Variants in SUSD4 observed in about 807,000 individuals in gnomAD.
The protein encoded by SUSD4 is sushi domain-containing protein 4.
SUSD4 carries 41 observed loss-of-function variants against 50.5 expected under a neutral mutation model. The observed-to-expected ratio is 0.81, with a 90% CI of 0.63 to 1.05. SUSD4 has a LOEUF of 1.05. Among genes scored for constraint, SUSD4 ranks in the 50% least tolerant of loss-of-function variants. SUSD4 has a pLI of 0.00. For missense variants in SUSD4, 580 were observed against 634.7 expected (o/e 0.91, Z 0.93); for synonymous variants, 257 against 257.3 (o/e 1.00, Z 0.01).
At chr1:223,311,791 T>C (rs1195304314) in intron 2 of SUSD4, among the ~76,000 whole-genome samples, 2 of 152,208 alleles carry the variant, frequency 1.3e-5, no homozygotes, top group Non-Finnish European at 2.9e-5. Context: ...ACTATCATTA[T>C]AGGGCAGAAA....
intron 2 of SUSD4, among the ~76,000 whole-genome samples, chr1:223,350,343 G>C (rs955029693): frequency 1.3e-5 from 2 of 152,186 alleles, no homozygotes; most frequent in Admixed American, 1.3e-4. Context: ...TTGAACAAAT[G>C]TAAGAGTGGA....
At chr1:223,298,328 C>T (rs901654855) in intron 2 of SUSD4, among the ~76,000 whole-genome samples, 1 of 152,100 alleles carries the variant, frequency 6.6e-6, no homozygotes, top group African/African-American at 2.4e-5. Context: ...TGTGAAATGC[C>T]CTCCTATAGC....
chr1:223,237,342 C>A (rs1008283888), intron 5 of SUSD4, among the ~76,000 whole-genome samples: 1 of 151,904 alleles, frequency 6.6e-6, no homozygotes, highest in Non-Finnish European at 1.5e-5. Flanking sequence ...TCTTTTATTT[C>A]CTTTTCTTGC....
Position 223,353,080 on chromosome 1 carries a change from T to G in SUSD4, c.148+10198A>C, listed in dbSNP as rs566299729. Among the ~76,000 whole-genome samples the G allele has an allele frequency of 4.6e-5, 7 of 152,334 alleles. No individual in the cohort carries two copies. In the South Asian group the frequency reaches 1.2e-3, roughly 27 times the overall value. ...CTGACCGGGCTTGGGCCAACAGCTATTGAGAAGTTCCTCTCAACACCACAA... is the reference window on the plus strand; with the variant it reads ...CTGACCGGGCTTGGGCCAACAGCTAGTGAGAAGTTCCTCTCAACACCACAA... On this transcript the variant is annotated intron_variant, in intron 2 of 8. Coordinates refer to ENST00000366878, the MANE Select transcript of SUSD4 (RefSeq NM_017982.4).
chr1:223,335,873 A>G (rs1558261191), intron 2 of SUSD4, among the ~76,000 whole-genome samples: 1 of 152,232 alleles, frequency 6.6e-6, no homozygotes, highest in African/African-American at 2.4e-5. Context: ...GTTGCACTTG[A>G]CAAATAGGAA....
chr1:223,243,635 C>G lies in SUSD4; in HGVS notation c.725-14247G>C, dbSNP rs377330272. On this transcript the variant is annotated intron_variant, in intron 5 of 8. Transcript: ENST00000366878. The stretch of plus-strand genomic sequence containing the variant: ...TGGCTGGAGCATTTTCATTTGCTTA[C>G]AGGCAAATAAATCTCAAACCACTTC... 5.8e-4 allele frequency among the ~76,000 whole-genome samples: 88 copies of G among 152,344 alleles called. 2 individuals are homozygous for G. The highest frequency in any genetic ancestry group is 2.1e-3 in the African/African-American group (87 of 41,584).
At chr1:223,351,446 A>T (rs959050071) in intron 2 of SUSD4, among the ~76,000 whole-genome samples, 3 of 152,208 alleles carry the variant, frequency 2.0e-5, no homozygotes, top group Non-Finnish European at 2.9e-5. Flanking sequence ...GGCCCAGACC[A>T]TCTCCTAGGC....
intron 2 of SUSD4, among the ~76,000 whole-genome samples, chr1:223,357,048 C>T (rs1668707790): frequency 6.6e-6 from 1 of 152,154 alleles, no homozygotes; most frequent in Non-Finnish European, 1.5e-5. Flanking sequence ...TAGCAGAAGG[C>T]CCCAGAAACC....
chr1:223,253,039 C>T (rs577122818), intron 5 of SUSD4, among the ~76,000 whole-genome samples: 5 of 150,924 alleles, frequency 3.3e-5, no homozygotes, highest in African/African-American at 9.8e-5. Context: ...TGCAGTGAGC[C>T]GAGATTGCAC....
intron 2 of SUSD4, among the ~76,000 whole-genome samples, chr1:223,295,815 A>G (rs1435983679): frequency 6.6e-6 from 1 of 151,794 alleles, no homozygotes; most frequent in Non-Finnish European, 1.5e-5. Context: ...CACTTTGTGC[A>G]CATGTACCCT....
intron 2 of SUSD4, among the ~76,000 whole-genome samples, chr1:223,312,551 T>G (rs564921554): frequency 1.3e-5 from 2 of 152,208 alleles, no homozygotes; most frequent in South Asian, 4.2e-4. Flanking sequence ...CAGAGGAATT[T>G]GGAATTACCC....
chr1:223,281,597 T>G (rs895393545), intron 3 of SUSD4, among the ~76,000 whole-genome samples: 15 of 152,174 alleles, frequency 9.9e-5, no homozygotes, highest in African/African-American at 3.6e-4. Context: ...CAATAATTAA[T>G]AGCCTACCAA....
At chr1:223,243,107 G>C (rs892067479) in intron 5 of SUSD4, among the ~76,000 whole-genome samples, 13 of 152,060 alleles carry the variant, frequency 8.5e-5, no homozygotes, top group African/African-American at 3.1e-4. Context: ...TGGCCACAGG[G>C]AGCCCTGTGG....
chr1:223,224,422 T>G (rs851148), intron 7 of SUSD4, among the ~76,000 whole-genome samples: 2,834 of 152,300 alleles, frequency 0.019, 62 homozygotes, highest in African/African-American at 0.044. Flanking sequence ...CTCATCATGT[T>G]TCTTTGTTGT....
chr1:223,310,500 G>A (rs1270622505), intron 2 of SUSD4, among the ~76,000 whole-genome samples: 2 of 152,084 alleles, frequency 1.3e-5, no homozygotes, highest in Non-Finnish European at 2.9e-5. Context: ...CCATATATAT[G>A]TTAACTAAAC....
intron 5 of SUSD4, among the ~76,000 whole-genome samples, chr1:223,250,797 G>A (rs1661251892): frequency 6.6e-6 from 1 of 152,222 alleles, no homozygotes; most frequent in Non-Finnish European, 1.5e-5. Flanking sequence ...CATAAGCAGG[G>A]TGCGGTGTAC....
At chr1:223,329,297 A>G (rs1667046972) in intron 2 of SUSD4, among the ~76,000 whole-genome samples, 2 of 152,216 alleles carry the variant, frequency 1.3e-5, no homozygotes, top group Non-Finnish European at 2.9e-5. Flanking sequence ...AAGTTGTCCT[A>G]TTCTTGATCA....
chr1:223,278,345 A>G (rs1366543601), intron 3 of SUSD4, among the ~76,000 whole-genome samples: 2 of 152,126 alleles, frequency 1.3e-5, no homozygotes, highest in Non-Finnish European at 2.9e-5. Flanking sequence ...TGGCACCTGG[A>G]AAATTGGGTC....
At chr1:223,318,646 T>C (rs1400353118) in intron 2 of SUSD4, among the ~76,000 whole-genome samples, 2 of 142,722 alleles carry the variant, frequency 1.4e-5, no homozygotes, top group Non-Finnish European at 3.2e-5. Flanking sequence ...TTTGGCTGCA[T>C]AAATGTCTTC....
Sources: allele counts gnomAD v4.1 joint callset (sites outside exome capture counted in the v4.1 genomes callset), GRCh38; gene constraint gnomAD v4.1.1; transcripts MANE v1.5; gene names NCBI Gene and HGNC (gene_info 2026-07-23, HGNC 2026-07-21).